Variants in LRRC7 observed in about 807,000 individuals in gnomAD.
LRRC7 encodes leucine-rich repeat-containing protein 7.
In LRRC7, 23 loss-of-function variants were observed where a neutral mutation model predicts 175.7. The ratio of observed to expected loss-of-function variants is 0.13; its 90% CI spans 0.09 to 0.19. The LOEUF (loss-of-function observed/expected upper bound fraction) is 0.19. LRRC7 is among the 10% of genes least tolerant of loss of function. LRRC7 has a pLI of 1.00. For synonymous variants in LRRC7, 685 were observed against 680.9 expected (o/e 1.01, Z -0.09); for missense variants, 1,354 against 1,904.7 (o/e 0.71, Z 5.38).
At chr1:69,913,114 T>C (rs1646582903) in intron 7 of LRRC7, among the ~76,000 whole-genome samples, 2 of 152,210 alleles carry the variant, frequency 1.3e-5, no homozygotes, top group Non-Finnish European at 2.9e-5. Flanking sequence ...GACAGCTTAA[T>C]GCAAATTATA....
At position 69,608,899 on chromosome 1, in the gene LRRC7, T is replaced by TACAC. The variant is rs1349854926; in HGVS notation, c.2+40270_2+40273dup. Among the ~76,000 whole-genome samples, 356 of 123,478 alleles carry TACAC rather than the reference T, an allele frequency of 2.9e-3. 2 individuals carry two copies. The highest frequency in any genetic ancestry group is 0.011 in the African/African-American group (338 of 31,588). 81.0% of individuals were successfully genotyped at this position (123,478 alleles called of 152,430 possible). A position where few individuals can be genotyped will look rare whatever the true frequency, so the allele number is the denominator to read the frequency against. The stretch of plus-strand genomic sequence containing the variant: ...ATATATATATATATATATATATATA[T>TACAC]ACACACACACACACATATATATAAA... On this transcript the variant is annotated intron_variant, in intron 1 of 26. Transcript: ENST00000651989.
Position 69,873,710 on chromosome 1 carries a change from C to T in LRRC7, c.647+35427C>T, listed in dbSNP as rs535573813. On this transcript the variant is annotated intron_variant, in intron 7 of 26. Transcript: ENST00000651989. ...GCCTAGTATCTACAAAATGTTTGGT[C>T]TTTGTTAAAGTTTAACGATGACATT... 5 of 224,640 alleles carry T rather than the reference C, an allele frequency of 2.2e-5. No homozygotes were observed. The South Asian group carries it at 2.5e-4, about 11-fold the overall frequency. 13.9% of individuals were successfully genotyped at this position (224,640 alleles called of 1,614,324 possible).
At chr1:70,012,007 T>A (rs1324309108) in intron 12 of LRRC7, 81 bp downstream of exon 12, 3 of 925,190 alleles carry the variant, frequency 3.2e-6, no homozygotes, top group African/African-American at 3.3e-5. Context: ...AGAATAGCAA[T>A]GTAGATTCAT....
chr1:69,984,601 C>T (rs1653758499), intron 9 of LRRC7, among the ~76,000 whole-genome samples: 1 of 152,114 alleles, frequency 6.6e-6, no homozygotes. Context: ...CACTCCTTGC[C>T]CAAGATATGG....
At position 69,924,203 on chromosome 1, in the gene LRRC7, T is replaced by C. The variant is rs1030629166; in HGVS notation, c.648-7304T>C. 1.5e-3 allele frequency among the ~76,000 whole-genome samples: 229 copies of C among 152,252 alleles called. 1 individual carries two copies. The highest frequency in any genetic ancestry group is 5.2e-3 in the African/African-American group (218 of 41,560). On this transcript the variant is annotated intron_variant, in intron 7 of 26. Transcript: ENST00000651989. ...CAGTACCATGCTGTTTTGGTTACTG[T>C]AGCCTTGTAGTATAGTTTGAAGTCA...
chr1:69,827,149 A>G (rs1396584327), intron 5 of LRRC7, among the ~76,000 whole-genome samples: 2 of 152,230 alleles, frequency 1.3e-5, no homozygotes, highest in East Asian at 3.9e-4. Flanking sequence ...AATTTTTTCA[A>G]CATCTCAGTG....
intron 1 of LRRC7, among the ~76,000 whole-genome samples, chr1:69,634,885 A>C (rs1199704484): frequency 6.6e-6 from 1 of 152,124 alleles, no homozygotes; most frequent in Non-Finnish European, 1.5e-5. Flanking sequence ...GACTGAGCGG[A>C]AAATTGAGAA....
chr1:70,018,826 G>T lies in LRRC7; in HGVS notation c.1420+8G>T, dbSNP rs145340830. On this transcript the variant is annotated splice_region_variant and intron_variant, in intron 15 of 26. Coordinates refer to ENST00000651989, the MANE Select transcript of LRRC7 (RefSeq NM_001370785.2). ...AGCCTCGTGGTGATGAAGGTAAATTGTCAGTAGAAATTTCTTCTCTACTTA... is the reference window on the plus strand; with the variant it reads ...AGCCTCGTGGTGATGAAGGTAAATTTTCAGTAGAAATTTCTTCTCTACTTA... The T allele has an allele frequency of 1.9e-6, 3 of 1,598,390 alleles. No individual in the cohort carries two copies. Among genetic ancestry groups the T allele is most frequent in the Non-Finnish European group, 2.6e-6 (3 of 1,166,498 alleles).
At chr1:69,702,460 C>T (rs1043284631) in intron 2 of LRRC7, among the ~76,000 whole-genome samples, 2 of 152,108 alleles carry the variant, frequency 1.3e-5, no homozygotes, top group Non-Finnish European at 2.9e-5. Context: ...ACAATCGTTC[C>T]TGCATCATTG....
rs574507976 is a variant in LRRC7, at chr1:69,706,776, T to C, written c.100+28298T>C. 3.3e-5 allele frequency among the ~76,000 whole-genome samples: 5 copies of C among 152,278 alleles called. No homozygotes were observed. In the South Asian group the frequency reaches 8.3e-4, roughly 25 times the overall value. On this transcript the variant is annotated intron_variant, in intron 2 of 26. Transcript: ENST00000651989. ...GGGATTTATGTCAGACTTTCCTGTATTGGAATTCTGTCCCCACCAGTATGG... is the reference window on the plus strand; with the variant it reads ...GGGATTTATGTCAGACTTTCCTGTACTGGAATTCTGTCCCCACCAGTATGG...
intron 2 of LRRC7, among the ~76,000 whole-genome samples, chr1:69,683,274 T>G (rs1241597793): frequency 1.3e-5 from 2 of 152,166 alleles, no homozygotes; most frequent in African/African-American, 4.8e-5. Flanking sequence ...CCTACATATG[T>G]TTTGAATCTG....
intron 13 of LRRC7, among the ~76,000 whole-genome samples, chr1:70,014,907 A>G (rs1020192540): frequency 1.3e-5 from 2 of 152,004 alleles, no homozygotes; most frequent in Non-Finnish European, 2.9e-5. Flanking sequence ...TTCATATTCT[A>G]CATTTATGAC....
At chr1:70,036,671 C>A in intron 20 of LRRC7, 47 bp downstream of exon 20, 1 of 1,537,468 alleles carries the variant, frequency 6.5e-7, no homozygotes, top group Non-Finnish European at 8.8e-7. Context: ...TTATTTTCAG[C>A]AACTTTTTAA....
intron 6 of LRRC7, among the ~76,000 whole-genome samples, chr1:69,836,618 A>G (rs1681136608): frequency 6.6e-6 from 1 of 151,918 alleles, no homozygotes; most frequent in Non-Finnish European, 1.5e-5. Flanking sequence ...TAATCTGAAA[A>G]TGTCTTTAAC....
chr1:69,774,508 G>T (rs571924133), intron 3 of LRRC7, among the ~76,000 whole-genome samples: 1 of 152,270 alleles, frequency 6.6e-6, no homozygotes, highest in Non-Finnish European at 1.5e-5. Flanking sequence ...ATATGAAATT[G>T]ATGCTTAATG....
At chr1:70,105,834 G>A (rs1484336969) in intron 25 of LRRC7, among the ~76,000 whole-genome samples, 1 of 152,088 alleles carries the variant, frequency 6.6e-6, no homozygotes. Context: ...TAGAAATTTT[G>A]ATGCCTATCT....
chr1:69,640,944 T>C (rs1444555225), intron 1 of LRRC7, among the ~76,000 whole-genome samples: 1 of 151,678 alleles, frequency 6.6e-6, no homozygotes, highest in Non-Finnish European at 1.5e-5. Flanking sequence ...AAATTACCTT[T>C]CAAAAATAAT....
rs140618969 is a variant in LRRC7, at chr1:70,020,167, T to G, written c.1421-838T>G. On this transcript the variant is annotated intron_variant, in intron 15 of 26. Transcript: ENST00000651989. ...GTTTTCCAGGCAGGAGTGTAATAAATGAGTTTTCAGAATCCCTTGTAACAA... is the reference window on the plus strand; with the variant it reads ...GTTTTCCAGGCAGGAGTGTAATAAAGGAGTTTTCAGAATCCCTTGTAACAA... 6.6e-3 allele frequency among the ~76,000 whole-genome samples: 1,005 copies of G among 152,070 alleles called. 8 individuals carry two copies. Among genetic ancestry groups the G allele is most frequent in the African/African-American group, 0.022 (928 of 41,538 alleles).
intron 8 of LRRC7, among the ~76,000 whole-genome samples, chr1:69,955,177 G>A (rs1465126047): frequency 6.6e-6 from 1 of 151,876 alleles, no homozygotes; most frequent in Non-Finnish European, 1.5e-5. Flanking sequence ...CACTTTTTCA[G>A]GTTCTCAATA....
Sources: gnomAD v4.1 joint callset for allele counts (sites outside exome capture counted in the v4.1 genomes callset) on GRCh38, gnomAD v4.1.1 for gene constraint, MANE v1.5 for transcripts, NCBI Gene and HGNC (gene_info 2026-07-23, HGNC 2026-07-21) for gene names.